RBM22: variants seen among roughly 807,000 people sequenced by gnomAD.
RBM22 encodes pre-mRNA-splicing factor RBM22.
A neutral mutation model predicts 50.1 loss-of-function variants in RBM22; 1 was observed. The ratio of observed to expected loss-of-function variants is 0.02; its 90% CI spans 0.01 to 0.09. The LOEUF (loss-of-function observed/expected upper bound fraction) is 0.09, where lower values mean the gene tolerates loss of function less well. RBM22 is among the 10% of genes least tolerant of loss of function. The pLI, the probability that RBM22 is intolerant of heterozygous loss-of-function variation, is 1.00. For synonymous variants in RBM22, 152 were observed against 179.0 expected, an observed-to-expected ratio of 0.85 and a Z score of 1.20; for missense variants, 264 against 529.3, an observed-to-expected ratio of 0.50 and a Z score of 4.92.
chr5:150,699,503 G>T (rs1759317693), intron 2 of RBM22, among the ~76,000 whole-genome samples: 1 of 152,230 alleles, frequency 6.6e-6, no homozygotes, highest in Non-Finnish European at 1.5e-5. Context: ...ATGGATCTGG[G>T]CTGGGTGGCA....
Position 150,694,255 on chromosome 5 carries a change from G to A in RBM22, c.747-15C>T. 5.6e-6 allele frequency: 9 copies of A among 1,601,000 alleles called. No individual in the cohort carries two copies. The highest frequency in any genetic ancestry group is 7.7e-6 in the Non-Finnish European group (9 of 1,172,914). ...AGAAATGATTTCTGAAGGGAAACAG[G>A]CAGAGAAAAATGAAAGTGGGAGTTA... is the stretch of plus-strand genomic sequence containing the variant. On this transcript the variant is annotated splice_polypyrimidine_tract_variant and intron_variant, in intron 7 of 10. Transcript: ENST00000199814.
At chr5:150,700,701 G>A in intron 1 of RBM22, 1 of 1,531,456 alleles carries the variant, frequency 6.5e-7, no homozygotes. Context: ...AGCTCTAATA[G>A]GCTGGAGGGG....
chr5:150,701,008 T>C lies in RBM22; in HGVS notation c.-23A>G. 1 of 1,614,186 alleles carries C rather than the reference T, an allele frequency of 6.2e-7. No individual in the cohort carries two copies. Among genetic ancestry groups the C allele is most frequent in the Non-Finnish European group, 8.5e-7 (1 of 1,180,026 alleles). On this transcript the variant is annotated 5_prime_UTR_variant, in exon 1 of 11. Transcript: ENST00000199814. ...CATCTTGAGAGCGTCCGGAGGTAGCTGTAGCTTCCGAATTGGGAGAGAGGA... is the reference window on the plus strand; with the variant it reads ...CATCTTGAGAGCGTCCGGAGGTAGCCGTAGCTTCCGAATTGGGAGAGAGGA...
At chr5:150,700,226 G>A (rs1168410642) in intron 2 of RBM22, among the ~76,000 whole-genome samples, 1 of 152,194 alleles carries the variant, frequency 6.6e-6, no homozygotes, top group African/African-American at 2.4e-5. Context: ...CTAGGTAAAT[G>A]CTCAACAAAT....
Position 150,695,709 on chromosome 5 carries a change from A to G in RBM22, c.546-3T>C. ...CTGGATCTGTAGGCTTCTCATGTCT[A>G]TGATTCAAGAAAAAAACAAGGCATA... On this transcript the variant is annotated splice_polypyrimidine_tract_variant and splice_region_variant and intron_variant, in intron 6 of 10. Transcript: ENST00000199814. 6.2e-7 allele frequency: 1 copy of G among 1,601,826 alleles called. No homozygotes were observed. The highest frequency in any genetic ancestry group is 8.5e-7 in the Non-Finnish European group (1 of 1,173,278).
intron 7 of RBM22, 103 bp from the exon 8 acceptor site, chr5:150,694,343 G>A: frequency 1.4e-6 from 2 of 1,446,844 alleles, no homozygotes; most frequent in Non-Finnish European, 1.8e-6. Flanking sequence ...CTAGGCAGGT[G>A]GGCCCCAAGG....
intron 1 of RBM22, 152 bp from the exon 2 acceptor site, chr5:150,700,649 C>A: frequency 2.0e-6 from 3 of 1,530,308 alleles, no homozygotes; most frequent in Non-Finnish European, 2.6e-6. Flanking sequence ...CGGGAGGGGG[C>A]GCTGTCTGCA....
intron 7 of RBM22, 60 bp downstream of exon 7, chr5:150,695,446 A>C (rs1759263690): frequency 7.3e-7 from 1 of 1,367,388 alleles, no homozygotes; most frequent in East Asian, 2.3e-5. Context: ...CAGTTTTTGC[A>C]AATAAATTAT....
At chr5:150,700,614 C>A (rs1231349396) in intron 1 of RBM22, 117 bp from the exon 2 acceptor site, 2 of 1,559,568 alleles carry the variant, frequency 1.3e-6, no homozygotes, top group Non-Finnish European at 1.7e-6. Context: ...ACGGCAGGAA[C>A]CCGAAGTCCA....
At position 150,691,848 on chromosome 5, in the gene RBM22, G is replaced by C. The variant is rs1759213352; in HGVS notation, c.1166C>G (p.Pro389Arg). ...FGPHMFHPMG[P>R]PPPFMRAPGP... Reference sequence around the variant, plus strand: ...TGGAGCCCGCATGAAAGGAGGGGGTGGTCCCATTGGGTGGAACATGTGTGG... The same window carrying C: ...TGGAGCCCGCATGAAAGGAGGGGGTCGTCCCATTGGGTGGAACATGTGTGG... Residue 389 changes from proline to arginine, a missense_variant, in exon 11 of 11, where the codon CCA becomes CGA. By Grantham distance (103) the Pro-to-Arg change is moderately radical. Transcript: ENST00000199814. 1.9e-6 allele frequency: 3 copies of C among 1,598,990 alleles called. No individual in the cohort carries two copies. In the East Asian group the frequency reaches 6.8e-5, roughly 36 times the overall value.
At chr5:150,693,064 A>C (rs1759230047) in intron 9 of RBM22, 38 bp from the exon 10 acceptor site, 1 of 1,582,036 alleles carries the variant, frequency 6.3e-7, no homozygotes, top group Non-Finnish European at 8.6e-7. Context: ...AGAGGGGAGA[A>C]CAATTGTGCA....
rs1759232589 is a variant in RBM22, at chr5:150,693,247, T to C, written c.972A>G (p.Lys324=). The change falls in exon 9 of 11, where the codon AAA becomes AAG. Residue 324 remains lysine, a synonymous_variant. Coordinates refer to ENST00000199814, the MANE Select transcript of RBM22 (RefSeq NM_018047.3). ...EKDGTTDSGI[K]LEPVPGLPGA... is the part of the protein sequence containing the mutation. Reference sequence around the variant, plus strand: ...CTGGCAATCCTGGAACAGGTTCTAGTTTGATCCCAGAGTCTGTAGTTCCAT... The same window carrying C: ...CTGGCAATCCTGGAACAGGTTCTAGCTTGATCCCAGAGTCTGTAGTTCCAT... The C allele has an allele frequency of 1.9e-6, 3 of 1,614,068 alleles. No individual in the cohort carries two copies. In the East Asian group the frequency reaches 6.7e-5, roughly 36 times the overall value.
rs746344704 is a variant in RBM22 at position 150,696,684 on chromosome 5, G to A, written c.394C>T (p.Arg132Trp). 6.2e-6 allele frequency: 10 copies of A among 1,614,076 alleles called. No homozygotes were observed. The highest frequency in any genetic ancestry group is 3.3e-5 in the Admixed American group (2 of 60,002). Residue 132 changes from arginine to tryptophan, a missense_variant, in exon 6 of 11, where the codon CGG becomes TGG. Coordinates refer to ENST00000199814, the MANE Select transcript of RBM22 (RefSeq NM_018047.3). The surrounding 1 kb of genome is among the most constrained non-coding windows in gnomAD (Gnocchi z 4.3). The part of the protein sequence containing the change: ...EREISNSDGT[R>W]PVGMLGKATS... ...GCTTTCCCCAGCATGCCAACTGGCC[G>A]TGTTCCATCAGAGTTAGAAATCTAA...
At chr5:150,698,448 T>C (rs1013037743) in intron 4 of RBM22, 51 bp downstream of exon 4, 7 of 1,590,842 alleles carry the variant, frequency 4.4e-6, no homozygotes, top group Non-Finnish European at 6.0e-6. Context: ...GACTGACTTG[T>C]AGTTTTAGGC....
Position 150,696,451 on chromosome 5 carries a change from G to A in RBM22, c.545+82C>T. ...TGTATGACCTTTAGATTTTAAAGCAGAAACAGTTTAAGTTAGGACCTCCCA... is the reference window on the plus strand; with the variant it reads ...TGTATGACCTTTAGATTTTAAAGCAAAAACAGTTTAAGTTAGGACCTCCCA... On this transcript the variant is annotated intron_variant, in intron 6 of 10. Coordinates refer to ENST00000199814, the MANE Select transcript of RBM22 (RefSeq NM_018047.3). This position sits in a 1 kb window ranked among gnomAD's most constrained non-coding sequence, Gnocchi z 4.3. The A allele has an allele frequency of 7.0e-7, 1 of 1,425,396 alleles. No homozygotes were observed. The highest frequency in any genetic ancestry group is 9.6e-7 in the Non-Finnish European group (1 of 1,041,954). 88.3% of individuals were successfully genotyped at this position (1,425,396 alleles called of 1,614,324 possible).
Position 150,690,884 on chromosome 5 carries a change from A to C in RBM22, c.*867T>G, listed in dbSNP as rs1295519517. Reference sequence around the variant, plus strand: ...TTCAGTTATATCCAAACACTCTAAGACCAAACAGAAGCAGGGATGACAATG... The same window carrying C: ...TTCAGTTATATCCAAACACTCTAAGCCCAAACAGAAGCAGGGATGACAATG... On this transcript the variant is annotated 3_prime_UTR_variant, in exon 11 of 11. Transcript: ENST00000199814. 1 of 152,338 alleles carries C rather than the reference A, an allele frequency of 6.6e-6. No individual in the cohort carries two copies. Among genetic ancestry groups the C allele is most frequent in the East Asian group, 1.9e-4 (1 of 5,326 alleles). The allele number at this position is 152,338 out of a possible 1,614,324, so 9.4% of individuals were successfully genotyped here. A position where few individuals can be genotyped will look rare whatever the true frequency, so the allele number is the denominator to read the frequency against.
At chr5:150,694,301 C>G in intron 7 of RBM22, 61 bp from the exon 8 acceptor site, 1 of 1,545,504 alleles carries the variant, frequency 6.5e-7, no homozygotes. Context: ...ACCCAGGAGA[C>G]TGAAAATGGA....
rs774316871 is a variant in RBM22, at chr5:150,701,035, C to A, written c.-50G>T. 4 of 1,611,308 alleles carry A rather than the reference C, an allele frequency of 2.5e-6. No homozygotes were observed. Among genetic ancestry groups the A allele is most frequent in the Non-Finnish European group, 3.4e-6 (4 of 1,177,572 alleles). On this transcript the variant is annotated 5_prime_UTR_variant, in exon 1 of 11. Transcript: ENST00000199814. ...TAGCTTCCGAATTGGGAGAGAGGAC[C>A]GCCACAATCCCGTCAAGCCCCGAGG...
At chr5:150,698,191 G>C (rs974146233) in intron 4 of RBM22, among the ~76,000 whole-genome samples, 5 of 152,152 alleles carry the variant, frequency 3.3e-5, no homozygotes, top group African/African-American at 1.2e-4. Flanking sequence ...AAAAGCTCTG[G>C]ATCAAGAAAG....
Sources: gnomAD v4.1 joint callset for allele counts (sites outside exome capture counted in the v4.1 genomes callset) on GRCh38, gnomAD v4.1.1 for gene constraint, Gnocchi (gnomAD v3.1) non-coding constraint, MANE v1.5 for transcripts, NCBI Gene and HGNC (gene_info 2026-07-23, HGNC 2026-07-21) for gene names.